The following C4orf51 variants were observed in gnomAD, a reference collection of about 807,000 sequenced individuals.
C4orf51 encodes the protein chromosome 4 open reading frame 51, also known as uncharacterized protein C4orf51.
C4orf51 carries 25 observed loss-of-function variants against 25.2 expected under a neutral mutation model. That is an observed-to-expected ratio of 0.99 (90% CI 0.72 to 1.39). The LOEUF is 1.39. Among genes scored for constraint, C4orf51 ranks in the 40% most tolerant of loss-of-function variants. The pLI, the probability that C4orf51 is intolerant of heterozygous loss-of-function variation, is 0.00. For synonymous variants in C4orf51, 100 were observed against 84.5 expected (o/e 1.18, Z -1.01); for missense variants, 252 against 239.6 (o/e 1.05, Z -0.34).
intron 1 of C4orf51, among the ~76,000 whole-genome samples, chr4:145,742,527 T>C (rs1436001737): frequency 1.6e-5 from 2 of 127,316 alleles, no homozygotes; most frequent in East Asian, 3.4e-4. Context: ...CATTTTCTTT[T>C]TCTTGTTTTT....
the C4orf51 span, among the ~76,000 whole-genome samples, chr4:145,785,194 G>T: frequency 1.4e-4 from 21 of 152,292 alleles, no homozygotes; most frequent in East Asian, 3.9e-3. Context: ...AAGGCTTTCA[G>T]CTCCTCCTGT....
chr4:145,730,993 A>G (rs1732424991), intron 5 of C4orf51, among the ~76,000 whole-genome samples: 1 of 152,212 alleles, frequency 6.6e-6, no homozygotes, highest in Non-Finnish European at 1.5e-5. Context: ...AAACAGGGAA[A>G]GCCAGTGCGG....
chr4:145,776,535 C>A, the C4orf51 span, among the ~76,000 whole-genome samples: 3 of 151,000 alleles, frequency 2.0e-5, no homozygotes, highest in Admixed American at 6.6e-5. Flanking sequence ...TGGACACCCA[C>A]AGCCCATTTT....
chr4:145,753,228 G>T (rs1733780425), intron 1 of C4orf51, among the ~76,000 whole-genome samples: 1 of 150,404 alleles, frequency 6.6e-6, no homozygotes, highest in Non-Finnish European at 1.5e-5. Context: ...GACGATTGGT[G>T]AATGCTTCTA....
intron 2 of C4orf51, among the ~76,000 whole-genome samples, chr4:145,701,551 C>G (rs566248597): frequency 7.0e-4 from 106 of 151,866 alleles, no homozygotes; most frequent in African/African-American, 2.4e-3. Context: ...CTTGGCTTAG[C>G]GGCTGAAGAC....
intron 1 of C4orf51, among the ~76,000 whole-genome samples, chr4:145,767,534 G>T (rs11943487): frequency 0.17 from 26,460 of 151,978 alleles, 3,339 homozygotes; most frequent in East Asian, 0.69. Flanking sequence ...TCAAGCATAA[G>T]AAACACGAAG....
In C4orf51 at chr4:145,765,887, C is replaced by T; in HGVS notation, n.167-5101C>T. ...CCAGCTCCCCCACTGCTGGGGGATC[C>T]CAGGTCCTAAGGCACCTACCTCCTT... On this transcript the variant is annotated intron_variant and non_coding_transcript_variant, in intron 1 of 1. Coordinates refer to the C4orf51 transcript ENST00000510096. This position sits in a 1 kb window ranked among gnomAD's most constrained non-coding sequence, Gnocchi z 4.7. 1 of 744,992 alleles carries T rather than the reference C, an allele frequency of 1.3e-6. No individual in the cohort carries two copies. The highest frequency in any genetic ancestry group is 2.9e-5 in the East Asian group (1 of 35,034). The allele number at this position is 744,992 out of a possible 1,614,324, so 46.1% of individuals were successfully genotyped here.
At position 145,729,244 on chromosome 4, in the gene C4orf51, G is replaced by T; in HGVS notation, c.427+15G>T. On this transcript the variant is annotated intron_variant, in intron 4 of 5. Coordinates refer to ENST00000438731, the MANE Select transcript of C4orf51 (RefSeq NM_001080531.3). Reference sequence around the variant, plus strand: ...TGGAAAATACTGTAAGTCCCATCCTGAACTACTACTTTACATCCATTTTCT... The same window carrying T: ...TGGAAAATACTGTAAGTCCCATCCTTAACTACTACTTTACATCCATTTTCT... 6.5e-7 allele frequency: 1 copy of T among 1,530,408 alleles called. No individual in the cohort carries two copies. The highest frequency in any genetic ancestry group is 1.7e-5 in the Admixed American group (1 of 58,180). 94.8% of individuals were successfully genotyped at this position (1,530,408 alleles called of 1,614,324 possible).
rs1039207798 is a variant in C4orf51, at chr4:145,729,841, T to C, written c.428-51T>C. 4 of 1,483,702 alleles carry C rather than the reference T, an allele frequency of 2.7e-6. No homozygotes were observed. The African/African-American group carries it at 5.5e-5, about 21-fold the overall frequency. The allele number at this position is 1,483,702 out of a possible 1,614,324, so 91.9% of individuals were successfully genotyped here. ...GAATGTCAGGAAATTTCACTTATGG[T>C]AGACTCTCTTTATCGCAAACACTCA... On this transcript the variant is annotated intron_variant, in intron 4 of 5. Coordinates refer to ENST00000438731, the MANE Select transcript of C4orf51 (RefSeq NM_001080531.3).
Position 145,761,745 on chromosome 4 carries a change from A to G in C4orf51, n.167-9243A>G, listed in dbSNP as rs897705615. 2 of 443,982 alleles carry G rather than the reference A, an allele frequency of 4.5e-6. No homozygotes were observed. The highest frequency in any genetic ancestry group is 4.2e-5 in the African/African-American group (2 of 48,134). The allele number at this position is 443,982 out of a possible 1,614,324, so 27.5% of individuals were successfully genotyped here. On this transcript the variant is annotated intron_variant and non_coding_transcript_variant, in intron 1 of 1. Transcript: ENST00000510096. The surrounding 1 kb of genome is among the most constrained non-coding windows in gnomAD (Gnocchi z 6.8). ...GCCCAGCCCAGCCCTGCCGCCTCTCAGGGGTGGAACGGCCCTTTTTGGCTC... is the reference window on the plus strand; with the variant it reads ...GCCCAGCCCAGCCCTGCCGCCTCTCGGGGGTGGAACGGCCCTTTTTGGCTC...
At position 145,760,720 on chromosome 4, in the gene C4orf51, G is replaced by GT. The variant is rs10715391; in HGVS notation, n.167-10251dup. On this transcript the variant is annotated intron_variant and non_coding_transcript_variant, in intron 1 of 1. Transcript: ENST00000510096. ...GCTGGGGTTGTGTTTAAGTTTTGTGGTTTTTTTTTTTTTTTTTGTCTTTTG... is the reference window on the plus strand; with the variant it reads ...GCTGGGGTTGTGTTTAAGTTTTGTGGTTTTTTTTTTTTTTTTTTGTCTTTTG... 6.0e-3 allele frequency: 4,190 copies of GT among 702,130 alleles called. 1 individual carries two copies. Among genetic ancestry groups the GT allele is most frequent in the East Asian group, 9.7e-3 (86 of 8,874 alleles). 43.5% of individuals were successfully genotyped at this position (702,130 alleles called of 1,614,324 possible).
chr4:145,779,337 G>C, the C4orf51 span: 1 of 1,605,272 alleles, frequency 6.2e-7, no homozygotes, highest in Non-Finnish European at 8.5e-7. Flanking sequence ...TGGTGATGGA[G>C]CATAGAGGGC....
chr4:145,691,905 C>T (rs1367871482), intron 1 of C4orf51, among the ~76,000 whole-genome samples: 1 of 152,136 alleles, frequency 6.6e-6, no homozygotes, highest in Admixed American at 6.5e-5. Context: ...GCACATGTAC[C>T]CCTTGAGTCT....
the C4orf51 span, among the ~76,000 whole-genome samples, chr4:145,784,240 A>G: frequency 5.3e-5 from 8 of 152,222 alleles, no homozygotes; most frequent in African/African-American, 1.7e-4. Context: ...GGAACTGAGT[A>G]ATACAGTCCT....
chr4:145,696,606 G>T lies in C4orf51; in HGVS notation c.281G>T (p.Gly94Val), dbSNP rs764144990. 1.4e-5 allele frequency: 22 copies of T among 1,613,676 alleles called. No homozygotes were observed. The Admixed American group carries it at 3.3e-4, about 24-fold the overall frequency. Residue 94 changes from glycine (G) to valine (V), a missense_variant, in exon 2 of 6, where the codon GGT becomes GTT. Gly to Val is a moderately radical substitution (Grantham distance 109). Coordinates refer to ENST00000438731, the MANE Select transcript of C4orf51 (RefSeq NM_001080531.3). ...SSACHLLCWAGTQETTDIKGL... is the reference protein window; with the variant it reads ...SSACHLLCWAVTQETTDIKGL... ...GCCTGTCATCTTCTCTGCTGGGCTG[G>T]TACCCAAGAGACTACAGATATCAAA... is the stretch of plus-strand genomic sequence containing the variant.
chr4:145,689,146 G>A (rs1326940257), intron 1 of C4orf51, among the ~76,000 whole-genome samples: 2 of 152,106 alleles, frequency 1.3e-5, no homozygotes, highest in Non-Finnish European at 2.9e-5. Flanking sequence ...ATAACAAAGT[G>A]TAAAAGGCAA....
intron 2 of C4orf51, among the ~76,000 whole-genome samples, chr4:145,723,926 A>C (rs562701422): frequency 6.6e-6 from 1 of 152,200 alleles, no homozygotes; most frequent in African/African-American, 2.4e-5. Context: ...GAAGAGGAAC[A>C]CTGGTTCCTC....
chr4:145,711,645 A>G (rs1731138196), intron 2 of C4orf51, among the ~76,000 whole-genome samples: 1 of 152,032 alleles, frequency 6.6e-6, no homozygotes, highest in African/African-American at 2.4e-5. Context: ...GGGTAGTTTC[A>G]AATGATCTGC....
chr4:145,719,280 A>G (rs1037012652), intron 2 of C4orf51, among the ~76,000 whole-genome samples: 4 of 95,834 alleles, frequency 4.2e-5, no homozygotes, highest in South Asian at 3.8e-4. Context: ...AAACTTATAC[A>G]TGACTTTTAA....
Sources: gnomAD v4.1 joint callset for allele counts (sites outside exome capture counted in the v4.1 genomes callset) on GRCh38, gnomAD v4.1.1 for gene constraint, Gnocchi (gnomAD v3.1) non-coding constraint, MANE v1.5 for transcripts, NCBI Gene and HGNC (gene_info 2026-07-23, HGNC 2026-07-21) for gene names.